EPB41L5: variants seen among roughly 807,000 people sequenced by gnomAD.
EPB41L5 encodes erythrocyte membrane protein band 4.1 like 5.
EPB41L5 carries 55 observed loss-of-function variants against 106.6 expected under a neutral mutation model. The ratio of observed to expected loss-of-function variants is 0.52; its 90% CI spans 0.42 to 0.65. The LOEUF is 0.65. Ranked by LOEUF, EPB41L5 falls within the 30% of genes least tolerant of loss-of-function variation. The probability of loss-of-function intolerance (pLI) is 0.00; values close to 1 mark genes in which losing one functional copy is unlikely to be tolerated. For missense variants in EPB41L5, 871 were observed against 882.1 expected (o/e 0.99, Z 0.16); for synonymous variants, 297 against 306.7 (o/e 0.97, Z 0.33).
rs540788753 is a variant in EPB41L5 at position 120,067,832 on chromosome 2, GC to G, written c.286-5345del. On this transcript the variant is annotated intron_variant, in intron 3 of 24. Coordinates refer to ENST00000263713, the MANE Select transcript of EPB41L5 (RefSeq NM_020909.4). ...ACATTTTATTATAAGAATGAATCAGGCACTGGAATATGGGGATACTTTTTTC... is the reference window on the plus strand; with the variant it reads ...ACATTTTATTATAAGAATGAATCAGGACTGGAATATGGGGATACTTTTTTC... Among the ~76,000 whole-genome samples the G allele has an allele frequency of 7.5e-4, 114 of 152,214 alleles. 1 individual carries two copies. The highest frequency in any genetic ancestry group is 2.5e-3 in the African/African-American group (105 of 41,512).
At chr2:120,063,026 T>C (rs1402933359) in intron 3 of EPB41L5, among the ~76,000 whole-genome samples, 1 of 151,992 alleles carries the variant, frequency 6.6e-6, no homozygotes, top group Non-Finnish European at 1.5e-5. Context: ...ATATTGTAAA[T>C]AGATACATGG....
At chr2:120,143,197 C>T in intron 19 of EPB41L5, 66 bp downstream of exon 19, 2 of 1,385,766 alleles carry the variant, frequency 1.4e-6, no homozygotes, top group Non-Finnish European at 1.9e-6. Flanking sequence ...GAGTTGCCTT[C>T]CCCAACTCTA....
intron 2 of EPB41L5, among the ~76,000 whole-genome samples, chr2:120,037,071 G>A (rs1451220214): frequency 6.6e-6 from 1 of 151,838 alleles, no homozygotes; most frequent in African/African-American, 2.4e-5. Flanking sequence ...GATCTTATAT[G>A]TAGAAAACCA....
At chr2:120,026,604 A>G (rs1249147496) in intron 2 of EPB41L5, among the ~76,000 whole-genome samples, 1 of 152,132 alleles carries the variant, frequency 6.6e-6, no homozygotes, top group Non-Finnish European at 1.5e-5. Context: ...CCTGACCTCA[A>G]TTGTTCCGCC....
chr2:120,072,858 C>G (rs1681968768), intron 3 of EPB41L5, among the ~76,000 whole-genome samples: 1 of 151,838 alleles, frequency 6.6e-6, no homozygotes, highest in African/African-American at 2.4e-5. Context: ...TGCAGCAAAC[C>G]ACCATGGCAT....
chr2:120,018,953 C>G, intron 1 of EPB41L5, 124 bp from the exon 2 acceptor site: 1 of 835,506 alleles, frequency 1.2e-6, no homozygotes. Context: ...GCCCAGGTGT[C>G]CTTTTTAGTA....
At chr2:120,118,453 C>T (rs976140151) in intron 16 of EPB41L5, among the ~76,000 whole-genome samples, 1 of 152,094 alleles carries the variant, frequency 6.6e-6, no homozygotes, top group African/African-American at 2.4e-5. Flanking sequence ...ACAGATCATA[C>T]CATCACCTGG....
At chr2:120,024,438 CAT>C (rs1213837725) in intron 2 of EPB41L5, among the ~76,000 whole-genome samples, 8 of 152,180 alleles carry the variant, frequency 5.3e-5, no homozygotes, top group African/African-American at 1.7e-4. Context: ...TTGAGATAAT[CAT>C]GTGGTTTTTT....
chr2:120,155,379 A>G (rs1300995029), intron 20 of EPB41L5, among the ~76,000 whole-genome samples: 1 of 152,160 alleles, frequency 6.6e-6, no homozygotes, highest in Non-Finnish European at 1.5e-5. Flanking sequence ...TTTTACTCTT[A>G]TGAGGATCCT....
intron 24 of EPB41L5, among the ~76,000 whole-genome samples, chr2:120,174,389 T>C (rs1687839124): frequency 6.6e-6 from 1 of 151,648 alleles, no homozygotes; most frequent in East Asian, 1.9e-4. Flanking sequence ...CATTTGAGCC[T>C]GGGATGTTGA....
At chr2:120,142,375 A>G (rs905230907) in intron 18 of EPB41L5, among the ~76,000 whole-genome samples, 2 of 152,048 alleles carry the variant, frequency 1.3e-5, no homozygotes, top group African/African-American at 2.4e-5. Flanking sequence ...TTTATCTTCA[A>G]ATTTTATTTC....
intron 18 of EPB41L5, among the ~76,000 whole-genome samples, chr2:120,135,914 G>A (rs1192461724): frequency 6.6e-6 from 1 of 152,024 alleles, no homozygotes; most frequent in South Asian, 2.1e-4. Context: ...CAACTCACTG[G>A]TAATGGTATG....
intron 19 of EPB41L5, among the ~76,000 whole-genome samples, chr2:120,143,660 A>C (rs948816055): frequency 1.3e-5 from 2 of 152,104 alleles, no homozygotes; most frequent in Admixed American, 1.3e-4. Flanking sequence ...GTCAGTTGTC[A>C]ACTAGGATTT....
intron 3 of EPB41L5, among the ~76,000 whole-genome samples, chr2:120,052,967 A>G (rs1680389567): frequency 6.6e-6 from 1 of 152,212 alleles, no homozygotes; most frequent in Non-Finnish European, 1.5e-5. Context: ...GATTATCACC[A>G]GTAGATTTAC....
Position 120,177,027 on chromosome 2 carries a change from CG to C in EPB41L5, c.*2122del, listed in dbSNP as rs1318284071. ...ATGCCCTGACATGAAGTGGCAAACA[CG>C]GAAGTTCATACTTGAATGCTGAATT... On this transcript the variant is annotated 3_prime_UTR_variant, in exon 25 of 25. Coordinates refer to ENST00000263713, the MANE Select transcript of EPB41L5 (RefSeq NM_020909.4). 1 of 152,124 alleles carries C rather than the reference CG, an allele frequency of 6.6e-6. No individual in the cohort carries two copies. The highest frequency in any genetic ancestry group is 2.4e-5 in the African/African-American group (1 of 41,418). The allele number at this position is 152,124 out of a possible 1,614,324, so 9.4% of individuals were successfully genotyped here.
At chr2:120,065,321 A>G (rs987888070) in intron 3 of EPB41L5, among the ~76,000 whole-genome samples, 8 of 151,618 alleles carry the variant, frequency 5.3e-5, no homozygotes, top group East Asian at 1.9e-4. Context: ...CGGTCTTACT[A>G]TGTTGCCCAG....
intron 1 of EPB41L5, among the ~76,000 whole-genome samples, chr2:120,015,490 A>T (rs925797462): frequency 6.6e-6 from 1 of 152,120 alleles, no homozygotes; most frequent in African/African-American, 2.4e-5. Context: ...CCCTCTTCAG[A>T]GAGAATCTCA....
Position 120,176,077 on chromosome 2 carries a change from A to T in EPB41L5, c.*1170A>T, listed in dbSNP as rs1478155673. On this transcript the variant is annotated 3_prime_UTR_variant, in exon 25 of 25. Transcript: ENST00000263713. ...CCTGTACAAAGAAATTCTGGATGTTAAAATAATATATACTCATCACAGAAA... is the reference window on the plus strand; with the variant it reads ...CCTGTACAAAGAAATTCTGGATGTTTAAATAATATATACTCATCACAGAAA... The T allele has an allele frequency of 6.5e-6, 1 of 152,686 alleles. No individual in the cohort carries two copies. Among genetic ancestry groups the T allele is most frequent in the African/African-American group, 2.4e-5 (1 of 41,466 alleles). The allele number at this position is 152,686 out of a possible 1,614,324, so 9.5% of individuals were successfully genotyped here.
intron 16 of EPB41L5, chr2:120,105,696 C>G: frequency 1.0e-6 from 1 of 985,404 alleles, no homozygotes; most frequent in Non-Finnish European, 1.2e-6. Context: ...CCGGCTCCCA[C>G]CTCTTTAAGC....
Sources: gnomAD v4.1 joint callset for allele counts (sites outside exome capture counted in the v4.1 genomes callset) on GRCh38, gnomAD v4.1.1 for gene constraint, MANE v1.5 for transcripts, NCBI Gene and HGNC (gene_info 2026-07-23, HGNC 2026-07-21) for gene names.